TENM3: variants seen among roughly 807,000 people sequenced by gnomAD.
TENM3 encodes the protein teneurin-3.
In TENM3, 63 loss-of-function variants were observed where a neutral mutation model predicts 255.1. The ratio of observed to expected loss-of-function variants is 0.25; its 90% confidence interval spans 0.20 to 0.30. TENM3 has a LOEUF of 0.30. Among genes scored for constraint, TENM3 ranks in the 10% least tolerant of loss-of-function variants. The pLI is 1.00. For missense variants in TENM3, 2,929 were observed against 3,461.1 expected (o/e 0.85, Z 3.86); for synonymous variants, 1,306 against 1,322.3 (o/e 0.99, Z 0.27).
At chr4:182,725,882 C>T (rs1397795914) in intron 13 of TENM3, among the ~76,000 whole-genome samples, 1 of 152,096 alleles carries the variant, frequency 6.6e-6, no homozygotes, top group African/African-American at 2.4e-5. Flanking sequence ...AGGTGATCCA[C>T]CCGCCTCGGC....
chr4:182,245,934 C>T (rs1351187138), intron 1 of TENM3, among the ~76,000 whole-genome samples: 4 of 152,038 alleles, frequency 2.6e-5, no homozygotes, highest in Admixed American at 2.6e-4. Flanking sequence ...TATTTGATAC[C>T]GATGTAACAT....
At chr4:182,519,307 T>C (rs1279653745) in intron 3 of TENM3, among the ~76,000 whole-genome samples, 1 of 152,254 alleles carries the variant, frequency 6.6e-6, no homozygotes, top group Non-Finnish European at 1.5e-5. Context: ...AATGTGGGTA[T>C]TAAAAAGTTA....
At chr4:182,040,309 A>T in the TENM3 span, among the ~76,000 whole-genome samples, 1 of 150,428 alleles carries the variant, frequency 6.6e-6, no homozygotes, top group African/African-American at 2.4e-5. Context: ...GAGAGGGAGA[A>T]GGAAGGGACA....
At chr4:182,158,992 G>A (rs1048314713) in intron 1 of TENM3, among the ~76,000 whole-genome samples, 3 of 152,204 alleles carry the variant, frequency 2.0e-5, no homozygotes, top group Non-Finnish European at 2.9e-5. Flanking sequence ...GTTGGGCTCC[G>A]AAATTAGAGA....
chr4:182,771,926 A>G (rs1306364874), intron 22 of TENM3, among the ~76,000 whole-genome samples: 2 of 152,030 alleles, frequency 1.3e-5, no homozygotes, highest in Admixed American at 1.3e-4. Flanking sequence ...CTCCCTCCTG[A>G]GTGCCCGTTC....
chr4:182,255,962 G>A (rs777699705), intron 1 of TENM3, among the ~76,000 whole-genome samples: 12 of 151,944 alleles, frequency 7.9e-5, no homozygotes, highest in Non-Finnish European at 1.8e-4. Context: ...TTTGTACATC[G>A]TTCTGTTATT....
chr4:181,904,195 G>A, the TENM3 span, among the ~76,000 whole-genome samples: 243 of 151,934 alleles, frequency 1.6e-3, 2 homozygotes, highest in African/African-American at 5.5e-3. Context: ...ATCCTCCACC[G>A]CCACCACCTT....
chr4:181,769,655 C>A, the TENM3 span, among the ~76,000 whole-genome samples: 1 of 152,126 alleles, frequency 6.6e-6, no homozygotes, highest in Non-Finnish European at 1.5e-5. Flanking sequence ...AATAAATTGA[C>A]TCAAGCCATT....
At chr4:181,856,493 T>C in the TENM3 span, among the ~76,000 whole-genome samples, 2 of 152,214 alleles carry the variant, frequency 1.3e-5, no homozygotes, top group Admixed American at 1.3e-4. Context: ...AATGAGTAAA[T>C]CTTGCTGATT....
chr4:182,212,464 G>T (rs1051638615), intron 1 of TENM3, among the ~76,000 whole-genome samples: 1 of 152,066 alleles, frequency 6.6e-6, no homozygotes, highest in African/African-American at 2.4e-5. Context: ...TTGTACTCAG[G>T]GCTCTGACTA....
At chr4:182,658,535 A>G (rs13132667) in intron 6 of TENM3, among the ~76,000 whole-genome samples, 26,070 of 152,082 alleles carry the variant, frequency 0.17, 2,339 homozygotes, top group African/African-American at 0.19. Flanking sequence ...AATCTACCCA[A>G]TTGTCTTTGG....
chr4:181,927,286 A>G, the TENM3 span, among the ~76,000 whole-genome samples: 1,049 of 152,346 alleles, frequency 6.9e-3, 6 homozygotes, highest in African/African-American at 0.024. Flanking sequence ...GAAATTCTCA[A>G]TGCCAGCACA....
At chr4:182,161,945 T>TTGTGTG (rs1202720848) in intron 1 of TENM3, among the ~76,000 whole-genome samples, 1 of 16,466 alleles carries the variant, frequency 6.1e-5, no homozygotes, top group African/African-American at 2.3e-4. Context: ...ATATATATAT[T>TTGTGTG]TGTGTGTGTG....
chr4:182,678,588 C>T (rs1452377466), intron 7 of TENM3, among the ~76,000 whole-genome samples: 2 of 152,158 alleles, frequency 1.3e-5, no homozygotes, highest in Non-Finnish European at 2.9e-5. Context: ...CTCTTGAGTT[C>T]ACAAGCCAAC....
rs568824174 is a variant in TENM3 at position 182,371,116 on chromosome 4, C to T, written c.511+24187C>T. The stretch of plus-strand genomic sequence containing the variant: ...AAACTAATTAGACCAATATTCATTC[C>T]TTGAGAAATTGTTCCTACCTTTTAG... On this transcript the variant is annotated intron_variant, in intron 3 of 27. Coordinates refer to ENST00000511685, the MANE Select transcript of TENM3 (RefSeq NM_001080477.4). Among the ~76,000 whole-genome samples the T allele has an allele frequency of 1.1e-3, 171 of 151,996 alleles. 1 individual carries two copies. The highest frequency in any genetic ancestry group is 8.7e-4 in the Non-Finnish European group (59 of 67,954).
At chr4:182,562,795 C>G (rs1432123121) in intron 3 of TENM3, among the ~76,000 whole-genome samples, 1 of 152,140 alleles carries the variant, frequency 6.6e-6, no homozygotes, top group Non-Finnish European at 1.5e-5. Context: ...CACAACAACA[C>G]CGTGCCTAAT....
chr4:182,552,436 G>A (rs1334234086), intron 3 of TENM3, among the ~76,000 whole-genome samples: 2 of 152,086 alleles, frequency 1.3e-5, no homozygotes, highest in African/African-American at 4.8e-5. Flanking sequence ...CTACCCTCCA[G>A]GATATTTCAG....
chr4:182,348,136 T>C (rs1764952250), intron 3 of TENM3, among the ~76,000 whole-genome samples: 1 of 152,174 alleles, frequency 6.6e-6, no homozygotes, highest in South Asian at 2.1e-4. Context: ...TCTTAGTGCA[T>C]TAAACCAAAG....
chr4:181,712,627 G>A, the TENM3 span, among the ~76,000 whole-genome samples: 2 of 152,186 alleles, frequency 1.3e-5, no homozygotes, highest in Admixed American at 1.3e-4. Context: ...TACTCCCTCA[G>A]TCCATATTTA....
Sources: gnomAD v4.1 joint callset for allele counts (sites outside exome capture counted in the v4.1 genomes callset) on GRCh38, gnomAD v4.1.1 for gene constraint, MANE v1.5 for transcripts, NCBI Gene and HGNC (gene_info 2026-07-23, HGNC 2026-07-21) for gene names.